The following TNR variants were observed in gnomAD, a reference collection of about 807,000 sequenced individuals.
TNR encodes tenascin-R.
Under a neutral mutation model 150.4 loss-of-function variants are expected in TNR, and 45 were observed. The ratio of observed to expected loss-of-function variants is 0.30; its 90% CI spans 0.24 to 0.38. The LOEUF (loss-of-function observed/expected upper bound fraction) is 0.38. Among genes scored for constraint, TNR ranks in the 10% least tolerant of loss-of-function variants. TNR has a pLI of 1.00. For synonymous variants in TNR, 687 were observed against 678.4 expected (o/e 1.01, Z -0.20); for missense variants, 1,544 against 1,759.1 (o/e 0.88, Z 2.19).
chr1:175,564,128 C>A (rs1661542932), intron 1 of TNR, among the ~76,000 whole-genome samples: 1 of 152,220 alleles, frequency 6.6e-6, no homozygotes, highest in African/African-American at 2.4e-5. Flanking sequence ...CATCAACAAG[C>A]CAAATTGCAG....
intron 2 of TNR, among the ~76,000 whole-genome samples, chr1:175,505,767 A>G (rs946489316): frequency 1.3e-5 from 2 of 152,254 alleles, no homozygotes; most frequent in Non-Finnish European, 2.9e-5. Context: ...AAGGCCGGAC[A>G]TGGTGGCTCA....
intron 3 of TNR, 101 bp downstream of exon 3, chr1:175,406,115 G>A (rs1236012922): frequency 6.8e-6 from 10 of 1,478,662 alleles, no homozygotes; most frequent in African/African-American, 2.8e-5. Context: ...CTGGGAGTGC[G>A]TTTTCGCTGG....
At chr1:175,517,361 C>T (rs1557981772) in intron 2 of TNR, among the ~76,000 whole-genome samples, 1 of 152,124 alleles carries the variant, frequency 6.6e-6, no homozygotes, top group Non-Finnish European at 1.5e-5. Flanking sequence ...GAAAAGTACA[C>T]CCATGTGCAG....
At position 175,478,301 on chromosome 1, in the gene TNR, G is replaced by T. The variant is rs544530122; in HGVS notation, c.-64+49968C>A. ...GTCCACATGGAGCAACATTAGTATG[G>T]GAGGAAGAGAAGAAGGAAGAGGAAT... is the stretch of plus-strand genomic sequence containing the variant. On this transcript the variant is annotated intron_variant, in intron 2 of 22. Transcript: ENST00000367674. 7.2e-5 allele frequency among the ~76,000 whole-genome samples: 11 copies of T among 152,262 alleles called. No individual in the cohort carries two copies. In the South Asian group the frequency reaches 2.1e-3, roughly 29 times the overall value.
rs1655490563 is a variant in TNR, at chr1:175,435,982, T to G, written c.-63-29205A>C. Among the ~76,000 whole-genome samples the G allele has an allele frequency of 2.0e-5, 3 of 152,268 alleles. No homozygotes were observed. In the South Asian group the frequency reaches 6.2e-4, roughly 31 times the overall value. ...ATATTGGCCCCCACTCTCTTCTGGC[T>G]TGCAGAGTTTCTGCTGAGAGATCAG... On this transcript the variant is annotated intron_variant, in intron 2 of 22. Coordinates refer to ENST00000367674, the MANE Select transcript of TNR (RefSeq NM_003285.3).
chr1:175,382,997 G>T (rs565467442), intron 8 of TNR, among the ~76,000 whole-genome samples: 1 of 152,206 alleles, frequency 6.6e-6, no homozygotes, highest in Non-Finnish European at 1.5e-5. Flanking sequence ...AGAATCTGTT[G>T]CATGCCTCTC....
intron 7 of TNR, among the ~76,000 whole-genome samples, chr1:175,390,469 C>T (rs941408644): frequency 7.2e-5 from 11 of 152,226 alleles, no homozygotes; most frequent in South Asian, 4.2e-4. Flanking sequence ...TTATAACTTT[C>T]GAGACATTCT....
chr1:175,328,065 G>A (rs904062560), intron 21 of TNR, among the ~76,000 whole-genome samples: 12 of 152,200 alleles, frequency 7.9e-5, no homozygotes, highest in East Asian at 1.9e-4. Context: ...CCAAGATCAC[G>A]CCACTGCACA....
chr1:175,335,375 T>C (rs1428031507), intron 20 of TNR: 8 of 229,438 alleles, frequency 3.5e-5, no homozygotes, highest in Non-Finnish European at 6.7e-5. Context: ...CTGGTTGCCT[T>C]GCTTCTGGGA....
intron 3 of TNR, among the ~76,000 whole-genome samples, chr1:175,405,063 C>A (rs1653884797): frequency 6.6e-6 from 1 of 152,152 alleles, no homozygotes; most frequent in African/African-American, 2.4e-5. Flanking sequence ...AGCTTTCATC[C>A]CCGTGAAAGC....
In TNR at chr1:175,445,496, C is replaced by G. The variant is rs145125024; in HGVS notation, c.-63-38719G>C. On this transcript the variant is annotated intron_variant, in intron 2 of 22. Transcript: ENST00000367674. ...AAAATTTTCAACAATAAATTCAACACAAAAAGTGTTGACTTTACAGGCATG... is the reference window on the plus strand; with the variant it reads ...AAAATTTTCAACAATAAATTCAACAGAAAAAGTGTTGACTTTACAGGCATG... 9.9e-4 allele frequency among the ~76,000 whole-genome samples: 150 copies of G among 152,134 alleles called. No homozygotes were observed. The Middle Eastern group carries it at 0.01, about 10-fold the overall frequency.
intron 2 of TNR, among the ~76,000 whole-genome samples, chr1:175,420,388 T>C (rs959551448): frequency 2.6e-5 from 4 of 152,234 alleles, no homozygotes; most frequent in African/African-American, 4.8e-5. Context: ...AGATACAGCA[T>C]TGGCAATAAA....
chr1:175,352,814 A>G (rs76965662), intron 18 of TNR, among the ~76,000 whole-genome samples: 10,703 of 152,298 alleles, frequency 0.07, 516 homozygotes, highest in Non-Finnish European at 0.097. Flanking sequence ...ACTCGTTCAC[A>G]ATCTCCGCAC....
chr1:175,380,045 A>G (rs1002723580), intron 8 of TNR, among the ~76,000 whole-genome samples: 1 of 152,210 alleles, frequency 6.6e-6, no homozygotes, highest in African/African-American at 2.4e-5. Context: ...TTAAAAACAA[A>G]ACAAGGGAAA....
At chr1:175,449,247 G>A (rs948221974) in intron 2 of TNR, among the ~76,000 whole-genome samples, 5 of 152,200 alleles carry the variant, frequency 3.3e-5, no homozygotes, top group African/African-American at 1.2e-4. Flanking sequence ...AGGGCGCTCT[G>A]CTCCTCCTTT....
chr1:175,364,518 T>G (rs918139704), intron 12 of TNR, among the ~76,000 whole-genome samples: 4 of 152,160 alleles, frequency 2.6e-5, no homozygotes, highest in African/African-American at 9.7e-5. Context: ...CATCTCTGAG[T>G]GCCTGTGTTT....
At chr1:175,346,888 G>GAA (rs59468796) in intron 18 of TNR, among the ~76,000 whole-genome samples, 64 of 125,062 alleles carry the variant, frequency 5.1e-4, no homozygotes, top group Middle Eastern at 4.1e-3. Flanking sequence ...TTCCACAAAA[G>GAA]AAAAAAAAAA....
At chr1:175,590,828 C>T (rs1662769640) in intron 1 of TNR, among the ~76,000 whole-genome samples, 1 of 152,244 alleles carries the variant, frequency 6.6e-6, no homozygotes, top group Non-Finnish European at 1.5e-5. Context: ...CCAGGGGCTG[C>T]AAACACTAAT....
chr1:175,615,467 G>A (rs742092), intron 1 of TNR, among the ~76,000 whole-genome samples: 43,577 of 152,116 alleles, frequency 0.29, 6,532 homozygotes, highest in East Asian at 0.48. Flanking sequence ...AGGACTCCAC[G>A]TCCTGCCCCT....
Sources: allele counts gnomAD v4.1 joint callset (sites outside exome capture counted in the v4.1 genomes callset), GRCh38; gene constraint gnomAD v4.1.1; transcripts MANE v1.5; gene names NCBI Gene and HGNC (gene_info 2026-07-23, HGNC 2026-07-21).